The following CWC25 variants were observed in gnomAD, a reference collection of about 807,000 sequenced individuals.
The protein encoded by CWC25 is pre-mRNA-splicing factor CWC25 homolog.
Under a neutral mutation model 54.6 loss-of-function variants are expected in CWC25, and 31 were observed. That is an observed-to-expected ratio of 0.57 (90% CI 0.43 to 0.77). The LOEUF is 0.77. Ranked by LOEUF, CWC25 falls within the 30% of genes least tolerant of loss-of-function variation. CWC25 has a pLI of 0.00. For synonymous variants in CWC25, 151 were observed against 187.0 expected, an observed-to-expected ratio of 0.81 and a Z score of 1.57; for missense variants, 453 against 529.3, an observed-to-expected ratio of 0.86 and a Z score of 1.41.
rs1911228439 is a variant in CWC25, at chr17:38,806,226, T to C, written c.1001+71A>G. On this transcript the variant is annotated intron_variant, in intron 8 of 9. Coordinates refer to ENST00000614790, the MANE Select transcript of CWC25 (RefSeq NM_017748.5). ...GAAAAGGTAATGATGGATTATCCAT[T>C]TGCCATGGTTTGAGCCCCTTCTAGA... 2.3e-6 allele frequency: 3 copies of C among 1,296,322 alleles called. No homozygotes were observed. In the South Asian group the frequency reaches 3.8e-5, roughly 16 times the overall value. 80.3% of individuals were successfully genotyped at this position (1,296,322 alleles called of 1,614,324 possible).
intron 4 of CWC25, 142 bp from the exon 5 acceptor site, chr17:38,810,737 A>G (rs912169035): frequency 1.5e-6 from 1 of 648,496 alleles, no homozygotes; most frequent in Non-Finnish European, 2.8e-6. Context: ...AGCCTGGCCA[A>G]CATGGCAAAA....
chr17:38,820,177 T>TGG (rs1911867239), intron 2 of CWC25, among the ~76,000 whole-genome samples: 2 of 152,172 alleles, frequency 1.3e-5, no homozygotes, highest in Non-Finnish European at 2.9e-5. Context: ...TCAAGTGATT[T>TGG]CTCAGCCTCC....
chr17:38,805,269 T>C (rs917679144), intron 8 of CWC25, among the ~76,000 whole-genome samples: 1 of 152,036 alleles, frequency 6.6e-6, no homozygotes, highest in African/African-American at 2.4e-5. Flanking sequence ...AACAAGATGC[T>C]GTCTCCAAAA....
intron 6 of CWC25, among the ~76,000 whole-genome samples, chr17:38,807,434 T>G (rs887978372): frequency 1.4e-5 from 2 of 139,640 alleles, no homozygotes; most frequent in African/African-American, 2.6e-5. Context: ...CTGTATAAAC[T>G]TAGTTATCTG....
intron 2 of CWC25, among the ~76,000 whole-genome samples, chr17:38,819,238 CA>C (rs553377314): frequency 0.01 from 1,502 of 148,870 alleles, 36 homozygotes; most frequent in Non-Finnish European, 0.016. Flanking sequence ...CTTACTCTGT[CA>C]CCCAGGCTGG....
chr17:38,815,124 C>G (rs1911646911), intron 2 of CWC25, 27 bp from the exon 3 acceptor site: 2 of 1,584,478 alleles, frequency 1.3e-6, no homozygotes, highest in African/African-American at 2.7e-5. Flanking sequence ...AAAAGAAATA[C>G]AATTTCTTTA....
chr17:38,807,379 C>T (rs1362400819), intron 6 of CWC25, among the ~76,000 whole-genome samples: 1 of 137,268 alleles, frequency 7.3e-6, no homozygotes, highest in Non-Finnish European at 1.6e-5. Context: ...ACATAAGGAG[C>T]TCACTGAGCA....
At chr17:38,824,120 G>A (rs1912039449) in intron 1 of CWC25, among the ~76,000 whole-genome samples, 1 of 152,210 alleles carries the variant, frequency 6.6e-6, no homozygotes, top group Non-Finnish European at 1.5e-5. Flanking sequence ...TTACTGGGCA[G>A]GCGGCTAAGC....
intron 6 of CWC25, among the ~76,000 whole-genome samples, chr17:38,808,784 T>A (rs940877423): frequency 6.8e-6 from 1 of 147,066 alleles, no homozygotes; most frequent in African/African-American, 2.5e-5. Context: ...CTGTCTCTAC[T>A]AAAAATACAA....
chr17:38,816,747 C>T (rs993297569), intron 2 of CWC25, among the ~76,000 whole-genome samples: 4 of 151,278 alleles, frequency 2.6e-5, no homozygotes, highest in East Asian at 3.9e-4. Context: ...TGCAGTGGAG[C>T]GATCTTGGCT....
intron 1 of CWC25, among the ~76,000 whole-genome samples, chr17:38,823,433 A>T (rs1364837761): frequency 6.6e-6 from 1 of 151,626 alleles, no homozygotes; most frequent in Non-Finnish European, 1.5e-5. Flanking sequence ...CTGGGATTAC[A>T]GGCATGAGCC....
At chr17:38,811,878 C>T (rs1040852235) in intron 4 of CWC25, among the ~76,000 whole-genome samples, 1 of 152,078 alleles carries the variant, frequency 6.6e-6, no homozygotes, top group Non-Finnish European at 1.5e-5. Flanking sequence ...CTTTCCTTAC[C>T]AACTGATCCA....
In CWC25 at chr17:38,809,766, C is replaced by A. The variant is rs1317888254; in HGVS notation, c.627-1G>T. The stretch of plus-strand genomic sequence containing the variant: ...GGAATTTGCCATCTTCTTCTGTGAT[C>A]TAAGAGATCAAAATACACACACTCA... On this transcript the variant is annotated splice_acceptor_variant, in intron 5 of 9. Transcript: ENST00000614790. LOFTEE classifies it high-confidence loss of function. 1 of 1,613,598 alleles carries A rather than the reference C, an allele frequency of 6.2e-7. No homozygotes were observed. Among genetic ancestry groups the A allele is most frequent in the African/African-American group, 1.3e-5 (1 of 75,014 alleles).
chr17:38,814,498 T>C (rs958993015), intron 3 of CWC25, among the ~76,000 whole-genome samples: 1 of 150,910 alleles, frequency 6.6e-6, no homozygotes, highest in African/African-American at 2.4e-5. Context: ...CCCAGCACTT[T>C]GGGAGGCCGA....
chr17:38,816,618 T>G (rs17665815), intron 2 of CWC25, among the ~76,000 whole-genome samples: 1,611 of 152,164 alleles, frequency 0.011, 10 homozygotes, highest in Non-Finnish European at 0.018. Context: ...GCATAAAGAA[T>G]GTTTTCCTAG....
At position 38,806,982 on chromosome 17, in the gene CWC25, T is replaced by C. The variant is rs1352708778; in HGVS notation, c.691-6A>G. On this transcript the variant is annotated splice_polypyrimidine_tract_variant and splice_region_variant and intron_variant, in intron 6 of 9. Coordinates refer to ENST00000614790, the MANE Select transcript of CWC25 (RefSeq NM_017748.5). ...TTACGGTCAGAGTTCCGGACCTACA[T>C]CATTAAGGAAAAGAGAAGTTATTCA... 2 of 1,601,312 alleles carry C rather than the reference T, an allele frequency of 1.2e-6. No individual in the cohort carries two copies. Among genetic ancestry groups the C allele is most frequent in the Non-Finnish European group, 8.5e-7 (1 of 1,174,658 alleles).
At chr17:38,821,403 C>A (rs1053079832) in intron 1 of CWC25, among the ~76,000 whole-genome samples, 2 of 152,058 alleles carry the variant, frequency 1.3e-5, no homozygotes, top group African/African-American at 4.8e-5. Context: ...ACTGAAAATA[C>A]AAAAATTAGC....
intron 8 of CWC25, 134 bp from the exon 9 acceptor site, chr17:38,802,995 G>C: frequency 1.0e-6 from 1 of 984,600 alleles, no homozygotes; most frequent in Non-Finnish European, 1.5e-6. Flanking sequence ...GCCAGCCTGA[G>C]TTCCCTTCTA....
chr17:38,822,479 C>T (rs1319089560), intron 1 of CWC25, among the ~76,000 whole-genome samples: 1 of 152,168 alleles, frequency 6.6e-6, no homozygotes, highest in Non-Finnish European at 1.5e-5. Flanking sequence ...CCAGGAATCT[C>T]TCCTTGGTTC....
Sources: gnomAD v4.1 joint callset for allele counts (sites outside exome capture counted in the v4.1 genomes callset) on GRCh38, gnomAD v4.1.1 for gene constraint, MANE v1.5 for transcripts, NCBI Gene and HGNC (gene_info 2026-07-23, HGNC 2026-07-21) for gene names.